The following VEPH1 variants were observed in gnomAD, a reference collection of about 807,000 sequenced individuals.
VEPH1 encodes ventricular zone expressed PH domain containing 1, also known as ventricular zone-expressed PH domain-containing protein homolog 1.
VEPH1 carries 80 observed loss-of-function variants against 85.2 expected under a neutral mutation model. That is an observed-to-expected ratio of 0.94 (90% confidence interval 0.78 to 1.13). The LOEUF (loss-of-function observed/expected upper bound fraction) is 1.13, where lower values mean the gene tolerates loss of function less well. VEPH1 is among the 50% of genes most tolerant of loss of function. The pLI is 0.00. For synonymous variants in VEPH1, 297 were observed against 348.0 expected (o/e 0.85, Z 1.63); for missense variants, 955 against 980.5 (o/e 0.97, Z 0.35).
At position 157,480,082 on chromosome 3, in the gene VEPH1, C is replaced by G. The variant is rs1475926597; in HGVS notation, c.139-9553G>C. Among the ~76,000 whole-genome samples, 3 of 55,666 alleles carry G rather than the reference C, an allele frequency of 5.4e-5. No homozygotes were observed. The Admixed American group carries it at 5.7e-4, about 11-fold the overall frequency. 36.5% of individuals were successfully genotyped at this position (55,666 alleles called of 152,430 possible). ...TTTTCTTTCTTTCCTTTCTTTCTTT[C>G]TGTCTCTCTCTCTCTCTTTCTTTCT... On this transcript the variant is annotated intron_variant, in intron 2 of 13. Coordinates refer to ENST00000362010, the MANE Select transcript of VEPH1 (RefSeq NM_001167912.2).
intron 4 of VEPH1, among the ~76,000 whole-genome samples, chr3:157,454,129 T>G (rs1184258184): frequency 1.3e-5 from 2 of 152,196 alleles, no homozygotes; most frequent in African/African-American, 4.8e-5. Flanking sequence ...GTGTGGTGTG[T>G]ATAAGTGTTT....
At chr3:157,484,690 C>T (rs1474615440) in intron 2 of VEPH1, among the ~76,000 whole-genome samples, 2 of 152,020 alleles carry the variant, frequency 1.3e-5, no homozygotes, top group Non-Finnish European at 2.9e-5. Flanking sequence ...TTAAAGTCTT[C>T]CAAGGTACTT....
chr3:157,377,000 T>A (rs891394256), intron 7 of VEPH1, among the ~76,000 whole-genome samples: 1 of 152,304 alleles, frequency 6.6e-6, no homozygotes, highest in Admixed American at 6.5e-5. Flanking sequence ...ATGACTGAAG[T>A]TAAATGGTCA....
intron 11 of VEPH1, among the ~76,000 whole-genome samples, chr3:157,305,844 G>A (rs1020238482): frequency 3.9e-5 from 6 of 152,014 alleles, no homozygotes; most frequent in African/African-American, 1.4e-4. Flanking sequence ...TATCTTTTAC[G>A]GACTCAGTCT....
intron 6 of VEPH1, among the ~76,000 whole-genome samples, chr3:157,387,065 G>A (rs1287360558): frequency 6.6e-6 from 1 of 152,092 alleles, no homozygotes; most frequent in South Asian, 2.1e-4. Flanking sequence ...TCTTGTTGTG[G>A]GAAAAGAGCT....
chr3:157,402,116 C>T (rs1347633589), intron 6 of VEPH1, among the ~76,000 whole-genome samples: 1 of 152,140 alleles, frequency 6.6e-6, no homozygotes, highest in Non-Finnish European at 1.5e-5. Flanking sequence ...CTATTATGTA[C>T]ATTGTATGGG....
intron 4 of VEPH1, chr3:157,443,041 G>GCC: frequency 6.5e-7 from 1 of 1,529,052 alleles, no homozygotes; most frequent in South Asian, 1.3e-5. Context: ...CATGCCAGTT[G>GCC]GGAAGGTCTG....
At chr3:157,453,995 CA>C (rs1735171601) in intron 4 of VEPH1, among the ~76,000 whole-genome samples, 1 of 151,998 alleles carries the variant, frequency 6.6e-6, no homozygotes, top group Non-Finnish European at 1.5e-5. Context: ...ATTTCATTGT[CA>C]TCGAAAAAGC....
intron 12 of VEPH1, among the ~76,000 whole-genome samples, chr3:157,267,093 C>CT (rs1213646666): frequency 1.8e-5 from 2 of 108,248 alleles, no homozygotes; most frequent in Non-Finnish European, 3.7e-5. Context: ...TTTTCTTTTT[C>CT]TTTTTTTTCT....
intron 4 of VEPH1, among the ~76,000 whole-genome samples, chr3:157,454,468 C>T (rs1385444276): frequency 6.6e-6 from 1 of 152,078 alleles, no homozygotes; most frequent in African/African-American, 2.4e-5. Flanking sequence ...AAGTTAGGAA[C>T]AAAACTTTAG....
intron 9 of VEPH1, among the ~76,000 whole-genome samples, chr3:157,318,638 A>AAGAAAGAAAGAAAG (rs1553763843): frequency 6.9e-6 from 1 of 144,786 alleles, no homozygotes; most frequent in South Asian, 2.3e-4. Context: ...AAAAAAAAGA[A>AAGAAAGAAAGAAAG]AGAAAGAAAG....
rs115937400 is a variant in VEPH1, at chr3:157,473,975, T to C, written c.139-3446A>G. Among the ~76,000 whole-genome samples, 732 of 152,312 alleles carry C rather than the reference T, an allele frequency of 4.8e-3. 6 individuals carry two copies. Among genetic ancestry groups the C allele is most frequent in the African/African-American group, 0.017 (700 of 41,586 alleles). ...AACTTTGCATTCCTGGAACATGTTG[T>C]ACTGGATCTTGGGAAATAATTTTTT... On this transcript the variant is annotated intron_variant, in intron 2 of 13. Transcript: ENST00000362010.
At chr3:157,357,495 CTTT>C (rs147031944) in intron 9 of VEPH1, among the ~76,000 whole-genome samples, 1 of 144,020 alleles carries the variant, frequency 6.9e-6, no homozygotes, top group African/African-American at 2.5e-5. Flanking sequence ...TTGTAAGAAA[CTTT>C]TTTTTTTTTT....
intron 12 of VEPH1, among the ~76,000 whole-genome samples, chr3:157,280,511 A>T (rs746654580): frequency 4.6e-5 from 7 of 152,150 alleles, no homozygotes; most frequent in Non-Finnish European, 7.4e-5. Context: ...TTAATCCCTG[A>T]GGGGTGTTAG....
At chr3:157,486,052 C>G (rs1284708375) in intron 2 of VEPH1, among the ~76,000 whole-genome samples, 1 of 152,088 alleles carries the variant, frequency 6.6e-6, no homozygotes, top group East Asian at 1.9e-4. Context: ...ATGGTCCAAA[C>G]AAATGCAAAC....
intron 6 of VEPH1, among the ~76,000 whole-genome samples, chr3:157,384,723 G>A (rs140880111): frequency 6.6e-6 from 1 of 152,302 alleles, no homozygotes; most frequent in South Asian, 2.1e-4. Flanking sequence ...CACATCATTT[G>A]TTCTGAAACC....
chr3:157,284,485 A>G (rs1716528674), intron 12 of VEPH1, among the ~76,000 whole-genome samples: 1 of 152,186 alleles, frequency 6.6e-6, no homozygotes, highest in Non-Finnish European at 1.5e-5. Context: ...GCTATGTCTC[A>G]TCTTTAAACT....
chr3:157,308,145 C>G (rs981322674), intron 11 of VEPH1, among the ~76,000 whole-genome samples: 1 of 150,466 alleles, frequency 6.6e-6, no homozygotes. Flanking sequence ...ATTTCTCTTT[C>G]CCTCATCCTC....
intron 4 of VEPH1, among the ~76,000 whole-genome samples, chr3:157,457,393 T>A (rs1456279219): frequency 6.6e-6 from 1 of 152,194 alleles, no homozygotes; most frequent in Non-Finnish European, 1.5e-5. Context: ...TCATGATTGC[T>A]CTGGCCAGGA....
Sources: allele counts gnomAD v4.1 joint callset (sites outside exome capture counted in the v4.1 genomes callset), GRCh38; gene constraint gnomAD v4.1.1; transcripts MANE v1.5; gene names NCBI Gene and HGNC (gene_info 2026-07-23, HGNC 2026-07-21).